Variants in GOLGA8B observed in about 807,000 individuals in gnomAD.
The protein encoded by GOLGA8B is golgin subfamily A member 8B.
A neutral mutation model predicts 15.6 loss-of-function variants in GOLGA8B; 1 was observed. The observed-to-expected ratio is 0.06, with a 90% confidence interval of 0.02 to 0.30. GOLGA8B has a LOEUF of 0.30. Ranked by LOEUF, GOLGA8B falls within the 10% of genes least tolerant of loss-of-function variation. GOLGA8B has a pLI of 1.00. For missense variants in GOLGA8B, 17 were observed against 201.3 expected, an observed-to-expected ratio of 0.08 and a Z score of 5.54; for synonymous variants, 9 against 80.3, an observed-to-expected ratio of 0.11 and a Z score of 4.75.
intron 1 of GOLGA8B, among the ~76,000 whole-genome samples, chr15:34,579,393 G>T (rs1313736124): frequency 6.6e-6 from 1 of 152,130 alleles, no homozygotes; most frequent in African/African-American, 2.4e-5. Flanking sequence ...GGAGTGGGAA[G>T]GGAATCTGGG....
In GOLGA8B at chr15:34,572,250, T is replaced by C. The variant is rs349636; in HGVS notation, c.-1123+11266A>G. Among the ~76,000 whole-genome samples, 1,160 of 152,094 alleles carry C rather than the reference T, an allele frequency of 7.6e-3. 10 individuals carry two copies. Among genetic ancestry groups the C allele is most frequent in the Middle Eastern group, 0.024 (7 of 294 alleles). ...GGTCACCACCTGTCAAGAGAGCAAT[T>C]TGGCAATATCTGTTGACACTCTGAA... On this transcript the variant is annotated intron_variant, in intron 1 of 23. Coordinates refer to ENST00000683415, the MANE Select transcript of GOLGA8B (RefSeq NM_001023567.5).
intron 1 of GOLGA8B, among the ~76,000 whole-genome samples, chr15:34,576,285 A>T (rs1889079515): frequency 6.6e-6 from 1 of 152,256 alleles, no homozygotes; most frequent in Non-Finnish European, 1.5e-5. Flanking sequence ...AATCAACTGA[A>T]GTAGCACCAG....
chr15:34,567,425 G>C (rs1392621050), intron 1 of GOLGA8B, among the ~76,000 whole-genome samples: 1 of 151,744 alleles, frequency 6.6e-6, no homozygotes, highest in Admixed American at 6.5e-5. Flanking sequence ...AGATGAGCCA[G>C]GGTCTGCCCA....
intron 1 of GOLGA8B, among the ~76,000 whole-genome samples, chr15:34,580,732 G>A (rs1225474777): frequency 2.0e-5 from 3 of 152,164 alleles, no homozygotes; most frequent in Non-Finnish European, 4.4e-5. Context: ...AAGCCTCTCT[G>A]TGGGCGCTCA....
rs922111065 is a variant in GOLGA8B at position 34,569,457 on chromosome 15, C to T, written c.-1123+14059G>A. 2.2e-4 allele frequency among the ~76,000 whole-genome samples: 33 copies of T among 151,726 alleles called. 1 individual carries two copies. The highest frequency in any genetic ancestry group is 7.5e-4 in the African/African-American group (31 of 41,380). ...TCTGGGCGCCACTCCCCTGCCCTAC[C>T]ACCACAGGGCAACATGGGGCCACAT... is the stretch of plus-strand genomic sequence containing the variant. On this transcript the variant is annotated intron_variant, in intron 1 of 23. Coordinates refer to ENST00000683415, the MANE Select transcript of GOLGA8B (RefSeq NM_001023567.5).
At chr15:34,570,569 T>C (rs1888888969) in intron 1 of GOLGA8B, among the ~76,000 whole-genome samples, 1 of 114,534 alleles carries the variant, frequency 8.7e-6, no homozygotes, top group Non-Finnish European at 1.9e-5. Context: ...AGTGGACTAG[T>C]ATCAAACACC....
chr15:34,566,900 G>C (rs1888777948), intron 1 of GOLGA8B, among the ~76,000 whole-genome samples: 1 of 123,442 alleles, frequency 8.1e-6, no homozygotes, highest in Non-Finnish European at 1.7e-5. Context: ...CTTTAGAGTT[G>C]CTTCAAATAG....
At position 34,583,600 on chromosome 15, in the gene GOLGA8B, G is replaced by C. The variant is rs1889311066; in HGVS notation, c.-1207C>G. On this transcript the variant is annotated 5_prime_UTR_variant, in exon 1 of 24. Coordinates refer to ENST00000683415, the MANE Select transcript of GOLGA8B (RefSeq NM_001023567.5). Reference sequence around the variant, plus strand: ...CCGTCCGGGAGGCTGAGCTCCTTGAGAGCCCGCACGTAGCGGCACACCGCG... The same window carrying C: ...CCGTCCGGGAGGCTGAGCTCCTTGACAGCCCGCACGTAGCGGCACACCGCG... 1 of 152,338 alleles carries C rather than the reference G, an allele frequency of 6.6e-6. No homozygotes were observed. Among genetic ancestry groups the C allele is most frequent in the Non-Finnish European group, 1.5e-5 (1 of 68,176 alleles). 9.4% of individuals were successfully genotyped at this position (152,338 alleles called of 1,614,324 possible).
In GOLGA8B at chr15:34,526,240, ACAGT is replaced by A. The variant is rs1266800339; in HGVS notation, c.*1388_*1391del. ...ACATTCACAAACAGTAGATTGCAGCACAGTGTGTAAACATTTTCAGTTGCATAAA... is the reference window on the plus strand; with the variant it reads ...ACATTCACAAACAGTAGATTGCAGCAGTGTAAACATTTTCAGTTGCATAAA... On this transcript the variant is annotated 3_prime_UTR_variant, in exon 24 of 24. Coordinates refer to ENST00000683415, the MANE Select transcript of GOLGA8B (RefSeq NM_001023567.5). 6.7e-6 allele frequency: 1 copy of A among 150,128 alleles called. No individual in the cohort carries two copies. The highest frequency in any genetic ancestry group is 1.5e-5 in the Non-Finnish European group (1 of 67,330). The allele number at this position is 150,128 out of a possible 1,614,324, so 9.3% of individuals were successfully genotyped here.
chr15:34,577,749 C>G (rs1407640386), intron 1 of GOLGA8B, among the ~76,000 whole-genome samples: 1 of 152,140 alleles, frequency 6.6e-6, no homozygotes, highest in Non-Finnish European at 1.5e-5. Context: ...TGTATCTAAA[C>G]ATAGAAAAGG....
At chr15:34,578,604 G>A (rs1170791056) in intron 1 of GOLGA8B, among the ~76,000 whole-genome samples, 3 of 152,232 alleles carry the variant, frequency 2.0e-5, no homozygotes, top group Middle Eastern at 3.4e-3. Flanking sequence ...CCTCCTCGTC[G>A]CGAAGTTAAG....
rs1258642997 is a variant in GOLGA8B at position 34,525,759 on chromosome 15, T to C, written c.*1873A>G. 1 of 149,542 alleles carries C rather than the reference T, an allele frequency of 6.7e-6. No individual in the cohort carries two copies. Among genetic ancestry groups the C allele is most frequent in the Non-Finnish European group, 1.5e-5 (1 of 67,184 alleles). The allele number at this position is 149,542 out of a possible 1,614,324, so 9.3% of individuals were successfully genotyped here. A position where few individuals can be genotyped will look rare whatever the true frequency, so the allele number is the denominator to read the frequency against. The stretch of plus-strand genomic sequence containing the variant: ...CAGTTGAAGTCACAAGGACCCAATA[T>C]CTGCCCTCTTTCAGTGAATGCCGGC... On this transcript the variant is annotated 3_prime_UTR_variant, in exon 24 of 24. Coordinates refer to ENST00000683415, the MANE Select transcript of GOLGA8B (RefSeq NM_001023567.5).
intron 1 of GOLGA8B, among the ~76,000 whole-genome samples, chr15:34,563,642 G>A (rs373591513): frequency 6.6e-6 from 1 of 152,076 alleles, no homozygotes; most frequent in South Asian, 2.1e-4. Flanking sequence ...AAGAGCAGAT[G>A]GGAGAAATAT....
At position 34,557,643 on chromosome 15, in the gene GOLGA8B, A is replaced by AGT. The variant is rs1566932966; in HGVS notation, c.-1122-3688_-1122-3687insAC. ...TATTTTTTTCTGAGAAGAATTCATG[A>AGT]ATGTGTGTGTGTGTGTGTGTGTGTG... On this transcript the variant is annotated intron_variant, in intron 1 of 23. Transcript: ENST00000683415. Among the ~76,000 whole-genome samples the AGT allele has an allele frequency of 4.4e-4, 14 of 31,468 alleles. 1 individual carries two copies. Among genetic ancestry groups the AGT allele is most frequent in the African/African-American group, 1.8e-3 (11 of 5,950 alleles). The allele number at this position is 31,468 out of a possible 152,430, so 20.6% of individuals were successfully genotyped here. A position where few individuals can be genotyped will look rare whatever the true frequency, so the allele number is the denominator to read the frequency against.
chr15:34,574,144 G>A (rs1405512341), intron 1 of GOLGA8B, among the ~76,000 whole-genome samples: 1 of 152,092 alleles, frequency 6.6e-6, no homozygotes, highest in Non-Finnish European at 1.5e-5. Context: ...GTCATGGGAA[G>A]TCTCTGAAAT....
At chr15:34,575,257 G>A (rs940625903) in intron 1 of GOLGA8B, among the ~76,000 whole-genome samples, 1 of 140,382 alleles carries the variant, frequency 7.1e-6, no homozygotes, top group African/African-American at 2.7e-5. Flanking sequence ...ACCTGCCCCC[G>A]CCACCCTCCT....
intron 1 of GOLGA8B, among the ~76,000 whole-genome samples, chr15:34,570,428 C>T (rs1316886037): frequency 9.3e-5 from 12 of 128,740 alleles, no homozygotes. Context: ...AACTGTCCAC[C>T]GGCCTGCTTC....
chr15:34,572,625 G>C (rs1888953140), intron 1 of GOLGA8B, among the ~76,000 whole-genome samples: 1 of 152,172 alleles, frequency 6.6e-6, no homozygotes, highest in African/African-American at 2.4e-5. Flanking sequence ...AAAGAAAATG[G>C]GAGGAATCGC....
intron 1 of GOLGA8B, among the ~76,000 whole-genome samples, chr15:34,574,457 C>A (rs565672304): frequency 6.6e-6 from 1 of 151,980 alleles, no homozygotes; most frequent in East Asian, 1.9e-4. Context: ...CCATGAGCCA[C>A]CACATCTGGC....
Sources: gnomAD v4.1 joint callset for allele counts (sites outside exome capture counted in the v4.1 genomes callset) on GRCh38, gnomAD v4.1.1 for gene constraint, MANE v1.5 for transcripts, NCBI Gene and HGNC (gene_info 2026-07-23, HGNC 2026-07-21) for gene names.